RAB9A: variants seen among roughly 807,000 people sequenced by gnomAD.
RAB9A encodes ras-related protein Rab-9A.
In RAB9A, 1 loss-of-function variant was observed where a neutral mutation model predicts 10.3. The ratio of observed to expected loss-of-function variants is 0.10; its 90% CI spans 0.03 to 0.46. RAB9A has a LOEUF of 0.46. Among genes scored for constraint, RAB9A ranks in the 20% least tolerant of loss-of-function variants. The probability of loss-of-function intolerance (pLI) is 0.96; values close to 1 mark genes in which losing one functional copy is unlikely to be tolerated. For synonymous variants in RAB9A, 39 were observed against 55.2 expected, an observed-to-expected ratio of 0.71 and a Z score of 1.30; for missense variants, 92 against 150.3, an observed-to-expected ratio of 0.61 and a Z score of 2.03.
At chrX:13,699,644 A>G (rs2046164288) in intron 1 of RAB9A, among the ~76,000 whole-genome samples, 1 of 112,439 alleles carries the variant, frequency 8.9e-6, no homozygotes, top group Admixed American at 9.4e-5. Context: ...GGTAATCTGG[A>G]CTAGGCTTCT....
At chrX:13,696,804 G>T (rs1023695238) in intron 1 of RAB9A, among the ~76,000 whole-genome samples, 7 of 111,915 alleles carry the variant, frequency 6.3e-5, no homozygotes, top group African/African-American at 2.3e-4. Context: ...GTAGTGATGG[G>T]CAGAGTGAGG....
chrX:13,701,302 G>A (rs1056411302), intron 1 of RAB9A, among the ~76,000 whole-genome samples: 8 of 110,365 alleles, frequency 7.2e-5, no homozygotes, highest in African/African-American at 2.6e-4. Flanking sequence ...TATATAAATG[G>A]AATCATACAA....
At chrX:13,697,595 A>G in intron 1 of RAB9A, among the ~76,000 whole-genome samples, 1 of 112,159 alleles carries the variant, frequency 8.9e-6, no homozygotes. Context: ...CTGAACTATC[A>G]CAGTTTATGG....
intron 1 of RAB9A, among the ~76,000 whole-genome samples, chrX:13,692,858 A>G (rs1187484246): frequency 8.9e-6 from 1 of 112,499 alleles, no homozygotes; most frequent in Non-Finnish European, 1.9e-5. Context: ...GCTGATGAAT[A>G]GATTTCTCTG....
In RAB9A at chrX:13,695,122, C is replaced by T. The variant is rs142167043; in HGVS notation, c.-116+5834C>T. ...GTCTGGAGAAGTCTCGAGAAGTGCC[C>T]GTGTGCTGTTCAGTTCTTTTCCAGT... On this transcript the variant is annotated intron_variant, in intron 1 of 2. Transcript: ENST00000464506. 2.2e-4 allele frequency among the ~76,000 whole-genome samples: 25 copies of T among 112,349 alleles called. No homozygotes were observed. In the East Asian group the frequency reaches 5.3e-3, roughly 24 times the overall value.
At chrX:13,703,550 TG>T (rs906930659) in intron 1 of RAB9A, among the ~76,000 whole-genome samples, 2 of 112,164 alleles carry the variant, frequency 1.8e-5, no homozygotes, top group Non-Finnish European at 3.8e-5. Flanking sequence ...AAAAAGTGGT[TG>T]GTGGGGAGAG....
intron 2 of RAB9A, among the ~76,000 whole-genome samples, 187 bp from the exon 3 acceptor site, chrX:13,708,534 G>C (rs2046208137): frequency 9.0e-6 from 1 of 111,119 alleles, no homozygotes; most frequent in Admixed American, 9.6e-5. Flanking sequence ...GCCCTTCCCA[G>C]CTGTTTCAGA....
intron 1 of RAB9A, among the ~76,000 whole-genome samples, chrX:13,691,036 T>C (rs2046119899): frequency 9.0e-6 from 1 of 111,433 alleles, no homozygotes; most frequent in African/African-American, 3.3e-5. Context: ...GCAAGGGAGG[T>C]GCTGCTGACA....
intron 1 of RAB9A, among the ~76,000 whole-genome samples, chrX:13,693,874 TCTGGGAGTCTGTGGACACAGACTCCA>T (rs1438024834): frequency 1.8e-5 from 2 of 111,345 alleles, no homozygotes; most frequent in Non-Finnish European, 3.8e-5. Flanking sequence ...CCAGGAGTTC[TCTGGGAGTCTGTGGACACAGACTCCA>T]CTTTTGTCTT....
At chrX:13,700,971 C>T (rs1376523542) in intron 1 of RAB9A, among the ~76,000 whole-genome samples, 2 of 111,251 alleles carry the variant, frequency 1.8e-5, no homozygotes, top group Non-Finnish European at 3.8e-5. Context: ...GAAGTTTTAC[C>T]ATGTAGCCCA....
rs532605463 is a variant in RAB9A, at chrX:13,697,722, A to G, written c.-115-6092A>G. On this transcript the variant is annotated intron_variant, in intron 1 of 2. Coordinates refer to ENST00000464506, the MANE Select transcript of RAB9A (RefSeq NM_004251.5). ...TACAGAAATGGATCACACATAACAT[A>G]CAAATGATGCAGGCATGTAGCAATC... Among the ~76,000 whole-genome samples the G allele has an allele frequency of 4.9e-4, 55 of 112,204 alleles. 1 individual carries two copies. The South Asian group carries it at 0.019, about 38-fold the overall frequency.
intron 2 of RAB9A, among the ~76,000 whole-genome samples, chrX:13,706,136 A>G (rs371088162): frequency 1.3e-4 from 14 of 111,927 alleles, no homozygotes; most frequent in East Asian, 2.8e-4. Context: ...ATGGTTTTCA[A>G]TCTTTTCTTT....
chrX:13,692,655 A>G (rs1437384761), intron 1 of RAB9A, among the ~76,000 whole-genome samples: 1 of 111,913 alleles, frequency 8.9e-6, no homozygotes, highest in Non-Finnish European at 1.9e-5. Flanking sequence ...AGGCCTTTCA[A>G]AATATGTACT....
chrX:13,705,651 T>C (rs1232901744), intron 2 of RAB9A, among the ~76,000 whole-genome samples: 1 of 112,234 alleles, frequency 8.9e-6, no homozygotes, highest in Non-Finnish European at 1.9e-5. Flanking sequence ...AGTAAAACTT[T>C]GTGTCTGGTA....
At chrX:13,708,265 A>G (rs1383078993) in intron 2 of RAB9A, among the ~76,000 whole-genome samples, 1 of 108,558 alleles carries the variant, frequency 9.2e-6, no homozygotes, top group Admixed American at 1.0e-4. Context: ...TCAAGGCTGC[A>G]GTAAGCCAAG....
At chrX:13,690,759 G>A (rs894678000) in intron 1 of RAB9A, among the ~76,000 whole-genome samples, 1 of 111,562 alleles carries the variant, frequency 9.0e-6, no homozygotes, top group Admixed American at 9.5e-5. Context: ...TATTCCGTAC[G>A]TGTAAATCCT....
At chrX:13,694,608 A>G (rs1341404603) in intron 1 of RAB9A, among the ~76,000 whole-genome samples, 1 of 111,776 alleles carries the variant, frequency 8.9e-6, no homozygotes, top group African/African-American at 3.3e-5. Flanking sequence ...ACAAATGTCA[A>G]GTATCTATGT....
intron 1 of RAB9A, among the ~76,000 whole-genome samples, chrX:13,693,491 G>A (rs888812316): frequency 9.0e-6 from 1 of 111,699 alleles, no homozygotes; most frequent in Non-Finnish European, 1.9e-5. Flanking sequence ...GGTCGGAGGC[G>A]GTCCCAGGCC....
chrX:13,705,673 T>C (rs2146754057), intron 2 of RAB9A, among the ~76,000 whole-genome samples: 1 of 112,159 alleles, frequency 8.9e-6, no homozygotes, highest in Non-Finnish European at 1.9e-5. Flanking sequence ...GGCTGTTAGA[T>C]CAGTAGAGAC....
Sources: gnomAD v4.1 joint callset for allele counts (sites outside exome capture counted in the v4.1 genomes callset) on GRCh38, gnomAD v4.1.1 for gene constraint, MANE v1.5 for transcripts, NCBI Gene and HGNC (gene_info 2026-07-23, HGNC 2026-07-21) for gene names.